Variants in RBFOX3 observed in about 807,000 individuals in gnomAD.
RBFOX3 encodes RNA binding fox-1 homolog 3.
In RBFOX3, 17 loss-of-function variants were observed where a neutral mutation model predicts 48.7. That is an observed-to-expected ratio of 0.35 (90% CI 0.24 to 0.52). The LOEUF (loss-of-function observed/expected upper bound fraction) is 0.52. Ranked by LOEUF, RBFOX3 falls within the 20% of genes least tolerant of loss-of-function variation. RBFOX3 has a pLI of 0.94. For synonymous variants in RBFOX3, 212 were observed against 209.5 expected (o/e 1.01, Z -0.10); for missense variants, 382 against 497.5 (o/e 0.77, Z 2.21).
intron 2 of RBFOX3, among the ~76,000 whole-genome samples, chr17:79,309,320 C>T (rs35351525): frequency 0.019 from 2,835 of 151,804 alleles, 94 homozygotes; most frequent in South Asian, 0.15. Flanking sequence ...CTCTTCCTCC[C>T]TCCACCTCTC....
intron 3 of RBFOX3, among the ~76,000 whole-genome samples, chr17:79,298,866 C>T (rs943048325): frequency 6.6e-6 from 1 of 152,130 alleles, no homozygotes; most frequent in Admixed American, 6.5e-5. Flanking sequence ...TGCAACATGC[C>T]ACTGCTGCTG....
At chr17:79,453,125 T>C (rs1555742726) in intron 2 of RBFOX3, among the ~76,000 whole-genome samples, 2 of 152,238 alleles carry the variant, frequency 1.3e-5, no homozygotes, top group Admixed American at 1.3e-4. Flanking sequence ...CACGGCAGTG[T>C]GTCCTTTCTG....
Position 79,090,841 on chromosome 17 carries a change from G to A in RBFOX3, c.*42C>T. 1.4e-6 allele frequency: 2 copies of A among 1,466,158 alleles called. No individual in the cohort carries two copies. Among genetic ancestry groups the A allele is most frequent in the Non-Finnish European group, 9.0e-7 (1 of 1,107,970 alleles). 90.8% of individuals were successfully genotyped at this position (1,466,158 alleles called of 1,614,324 possible). ...GTTTTGTGATTTTTTTTGTTTTTTT[G>A]TTTTTGCCCTTCATGGTCCGAGAAG... On this transcript the variant is annotated 3_prime_UTR_variant, in exon 15 of 15. Coordinates refer to ENST00000693108, the MANE Select transcript of RBFOX3 (RefSeq NM_001350451.2).
chr17:79,145,182 C>G (rs970821601), intron 4 of RBFOX3, among the ~76,000 whole-genome samples: 5 of 152,160 alleles, frequency 3.3e-5, no homozygotes, highest in Non-Finnish European at 7.3e-5. Flanking sequence ...GATTCTGTCC[C>G]ATCATCGAGC....
chr17:79,159,208 AC>A (rs1321009458), intron 4 of RBFOX3, among the ~76,000 whole-genome samples: 79 of 152,316 alleles, frequency 5.2e-4, no homozygotes, highest in Middle Eastern at 3.4e-3. Context: ...AATGCCCAGC[AC>A]CAGGTGAGCT....
chr17:79,649,448 A>G, the RBFOX3 span, among the ~76,000 whole-genome samples: 2 of 152,222 alleles, frequency 1.3e-5, no homozygotes, highest in Non-Finnish European at 2.9e-5. Context: ...GTTCACACCC[A>G]TAATTCCAGA....
chr17:79,601,620 T>G (rs1424283839), intron 1 of RBFOX3: 1 of 152,248 alleles, frequency 6.6e-6, no homozygotes, highest in Admixed American at 6.5e-5. Flanking sequence ...TTTCCTAGTC[T>G]GGTCTTGTGA....
At chr17:79,561,796 G>C (rs1442184388) in intron 1 of RBFOX3, among the ~76,000 whole-genome samples, 1 of 152,136 alleles carries the variant, frequency 6.6e-6, no homozygotes, top group Non-Finnish European at 1.5e-5. Context: ...TGAGGGTAGG[G>C]ACTTAGACCC....
At position 79,311,248 on chromosome 17, in the gene RBFOX3, C is replaced by T. The variant is rs1229260871; in HGVS notation, c.-174-3424G>A. On this transcript the variant is annotated intron_variant, in intron 2 of 14. Transcript: ENST00000693108. This position sits in a 1 kb window ranked among gnomAD's most constrained non-coding sequence, Gnocchi z 4.2. ...AGGAGTTCAACACCAGCCTGGCCAA[C>T]ATGTCAAAACCCCATCTCTATTAAA... Among the ~76,000 whole-genome samples, 2 of 152,112 alleles carry T rather than the reference C, an allele frequency of 1.3e-5. No homozygotes were observed. Among genetic ancestry groups the T allele is most frequent in the Non-Finnish European group, 2.9e-5 (2 of 68,022 alleles).
chr17:79,202,428 TAG>T lies in RBFOX3; in HGVS notation c.-34+33336_-34+33337del, dbSNP rs2056898741. On this transcript the variant is annotated intron_variant, in intron 4 of 14. Coordinates refer to ENST00000693108, the MANE Select transcript of RBFOX3 (RefSeq NM_001350451.2). ...GACCACTCACTCCTCTGTATCCTGG[TAG>T]AGTCTGCCACTGCTAGGGGTGCTGG... Among the ~76,000 whole-genome samples the T allele has an allele frequency of 4.6e-5, 7 of 152,274 alleles. No individual in the cohort carries two copies. In the Middle Eastern group the frequency reaches 0.02, roughly 444 times the overall value.
chr17:79,350,907 C>T (rs1352612523), intron 2 of RBFOX3, among the ~76,000 whole-genome samples: 1 of 152,192 alleles, frequency 6.6e-6, no homozygotes, highest in Admixed American at 6.5e-5. Context: ...TTCTCTAACT[C>T]CCCTTCCCAC....
intron 2 of RBFOX3, among the ~76,000 whole-genome samples, chr17:79,359,942 T>C (rs1049621625): frequency 6.6e-6 from 1 of 152,076 alleles, no homozygotes; most frequent in Admixed American, 6.5e-5. Context: ...CCCAGGCTGA[T>C]CTCGAACTCC....
intron 1 of RBFOX3, among the ~76,000 whole-genome samples, chr17:79,572,840 C>T (rs926180577): frequency 1.2e-4 from 18 of 152,158 alleles, no homozygotes; most frequent in African/African-American, 4.1e-4. Flanking sequence ...GCTGGCCACC[C>T]GTGCTGCCCT....
rs149624253 is a variant in RBFOX3, at chr17:79,354,369, G to A, written c.-174-46545C>T. ...CTGGCTCACTCCAGCTAGCACTGCC[G>A]GAGCCTCCCTCTCAGGCAGACTGAT... On this transcript the variant is annotated intron_variant, in intron 2 of 14. Transcript: ENST00000693108. 2.5e-3 allele frequency among the ~76,000 whole-genome samples: 383 copies of A among 152,290 alleles called. 1 individual carries two copies. The highest frequency in any genetic ancestry group is 8.7e-3 in the African/African-American group (360 of 41,552).
chr17:79,313,965 G>A (rs1187467578), intron 2 of RBFOX3, among the ~76,000 whole-genome samples: 4 of 152,188 alleles, frequency 2.6e-5, no homozygotes, highest in South Asian at 2.1e-4. Flanking sequence ...GCTCTTGCCC[G>A]CAACTGCTGG....
rs1555684872 is a variant in RBFOX3, at chr17:79,356,373, T to TTTTTGTTTTTG, written c.-174-48550_-174-48549insCAAAAACAAAA. ...GTTTTTTTTTTTTTTTTTTTTTTTT[T>TTTTTGTTTTTG]TTTTTTTTTTTTTGAGGAGGAGTCT... On this transcript the variant is annotated intron_variant, in intron 2 of 14. Coordinates refer to ENST00000693108, the MANE Select transcript of RBFOX3 (RefSeq NM_001350451.2). 2.7e-3 allele frequency among the ~76,000 whole-genome samples: 240 copies of TTTTTGTTTTTG among 88,982 alleles called. 5 individuals are homozygous for TTTTTGTTTTTG. Among genetic ancestry groups the TTTTTGTTTTTG allele is most frequent in the East Asian group, 0.011 (23 of 2,174 alleles). The allele number at this position is 88,982 out of a possible 152,430, so 58.4% of individuals were successfully genotyped here.
intron 1 of RBFOX3, among the ~76,000 whole-genome samples, chr17:79,564,789 C>T (rs1407739701): frequency 2.7e-5 from 4 of 150,386 alleles, no homozygotes; most frequent in Admixed American, 6.6e-5. Flanking sequence ...CGCCTGTAAT[C>T]GCAGCACTTT....
chr17:79,259,707 G>A (rs114140155), intron 3 of RBFOX3, among the ~76,000 whole-genome samples: 47 of 152,214 alleles, frequency 3.1e-4, no homozygotes, highest in African/African-American at 1.1e-3. Context: ...GCAATCCTGC[G>A]TTCCCCGGGA....
At position 79,111,921 on chromosome 17, in the gene RBFOX3, T is replaced by C. The variant is rs1406911352; in HGVS notation, c.222+3573A>G. ...CCTTCCGCAGCCCCTCATCGCACTC[T>C]GTACCCTTTGCTGCTTTTGTCCAGA... On this transcript the variant is annotated intron_variant, in intron 5 of 14. Coordinates refer to ENST00000693108, the MANE Select transcript of RBFOX3 (RefSeq NM_001350451.2). The surrounding 1 kb of genome is among the most constrained non-coding windows in gnomAD (Gnocchi z 4.2). 2.0e-5 allele frequency among the ~76,000 whole-genome samples: 3 copies of C among 152,228 alleles called. No individual in the cohort carries two copies. The highest frequency in any genetic ancestry group is 7.2e-5 in the African/African-American group (3 of 41,474).
Sources: gnomAD v4.1 joint callset for allele counts (sites outside exome capture counted in the v4.1 genomes callset) on GRCh38, gnomAD v4.1.1 for gene constraint, Gnocchi (gnomAD v3.1) non-coding constraint, MANE v1.5 for transcripts, NCBI Gene and HGNC (gene_info 2026-07-23, HGNC 2026-07-21) for gene names.